Variants in DOCK5 observed in about 807,000 individuals in gnomAD.
The protein encoded by DOCK5 is dedicator of cytokinesis 5, also known as dedicator of cytokinesis protein 5.
Under a neutral mutation model 251.8 loss-of-function variants are expected in DOCK5, and 142 were observed. The observed-to-expected ratio is 0.56, with a 90% CI of 0.49 to 0.65. DOCK5 has a LOEUF of 0.65. Ranked by LOEUF, DOCK5 falls within the 30% of genes least tolerant of loss-of-function variation. The pLI, the probability that DOCK5 is intolerant of heterozygous loss-of-function variation, is 0.00. For missense variants in DOCK5, 2,111 were observed against 2,312.3 expected, an observed-to-expected ratio of 0.91 and a Z score of 1.79; for synonymous variants, 842 against 835.5, an observed-to-expected ratio of 1.01 and a Z score of -0.13.
chr8:25,364,712 T>C lies in DOCK5; in HGVS notation c.3123+8T>C, dbSNP rs972020723. On this transcript the variant is annotated splice_region_variant and intron_variant, in intron 30 of 51. Transcript: ENST00000276440. ...GCAAGCTTTGAACTTCAGGTAGGCA[T>C]GTGACTCACCTACCTGCTTCTAGAA... is the stretch of plus-strand genomic sequence containing the variant. 27 of 1,577,414 alleles carry C rather than the reference T, an allele frequency of 1.7e-5. No homozygotes were observed. Among genetic ancestry groups the C allele is most frequent in the Non-Finnish European group, 1.8e-5 (21 of 1,156,994 alleles).
intron 1 of DOCK5, among the ~76,000 whole-genome samples, chr8:25,206,143 A>T (rs1300454222): frequency 2.0e-5 from 3 of 152,134 alleles, no homozygotes; most frequent in Non-Finnish European, 4.4e-5. Flanking sequence ...AAGGCTGGGG[A>T]CCTGGCACAG....
At chr8:25,318,753 C>A (rs1364332552) in intron 14 of DOCK5, among the ~76,000 whole-genome samples, 5 of 151,990 alleles carry the variant, frequency 3.3e-5, no homozygotes, top group African/African-American at 1.2e-4. Flanking sequence ...CACCTCTTCT[C>A]GTATGAGCCG....
At chr8:25,254,791 A>AC (rs1356750101) in intron 2 of DOCK5, among the ~76,000 whole-genome samples, 1 of 135,734 alleles carries the variant, frequency 7.4e-6, no homozygotes, top group African/African-American at 3.1e-5. Flanking sequence ...AACAAAACAA[A>AC]ACAAAAAAAA....
intron 27 of DOCK5, among the ~76,000 whole-genome samples, chr8:25,352,300 G>C (rs545754624): frequency 4.9e-4 from 74 of 150,216 alleles, no homozygotes; most frequent in Non-Finnish European, 8.3e-4. Context: ...AAAAAGGAGA[G>C]AAAAGAAGAA....
intron 1 of DOCK5, among the ~76,000 whole-genome samples, chr8:25,239,339 G>GTA (rs1554521916): frequency 4.3e-5 from 4 of 93,380 alleles, no homozygotes; most frequent in African/African-American, 7.4e-5. Context: ...GTGTGTGTGT[G>GTA]TATGTGTGTG....
chr8:25,315,344 T>A (rs938591644), intron 13 of DOCK5, among the ~76,000 whole-genome samples: 1 of 151,896 alleles, frequency 6.6e-6, no homozygotes, highest in African/African-American at 2.4e-5. Context: ...GGACCTGGTA[T>A]TGTGCATTCA....
At position 25,247,032 on chromosome 8, in the gene DOCK5, A is replaced by G. The variant is rs181828797; in HGVS notation, c.127+3275A>G. Among the ~76,000 whole-genome samples, 19 of 151,972 alleles carry G rather than the reference A, an allele frequency of 1.3e-4. No individual in the cohort carries two copies. In the East Asian group the frequency reaches 3.7e-3, roughly 30 times the overall value. ...CTCCCAAGTAGCTGGGATTATAGGC[A>G]TGTGCCACCACACCCAGCTAATTTA... On this transcript the variant is annotated intron_variant, in intron 2 of 51. Coordinates refer to ENST00000276440, the MANE Select transcript of DOCK5 (RefSeq NM_024940.8).
chr8:25,190,992 G>A (rs1476965716), intron 1 of DOCK5, among the ~76,000 whole-genome samples: 1 of 151,878 alleles, frequency 6.6e-6, no homozygotes, highest in Non-Finnish European at 1.5e-5. Flanking sequence ...CACCGTGTTA[G>A]CCAGGATGGT....
At position 25,374,880 on chromosome 8, in the gene DOCK5, T is replaced by C. The variant is rs573925647; in HGVS notation, c.3816+226T>C. ...AATCCTTAGAAAGCAGAGCACGACT[T>C]ATGAACCTTTGGTAATTGACACTCT... On this transcript the variant is annotated intron_variant, in intron 37 of 51. Transcript: ENST00000276440. The C allele has an allele frequency of 3.2e-5, 44 of 1,354,214 alleles. No homozygotes were observed. In the African/African-American group the frequency reaches 6.3e-4, roughly 19 times the overall value. 83.9% of individuals were successfully genotyped at this position (1,354,214 alleles called of 1,614,324 possible). A position where few individuals can be genotyped will look rare whatever the true frequency, so the allele number is the denominator to read the frequency against.
At chr8:25,335,372 T>G (rs1438594786) in intron 21 of DOCK5, among the ~76,000 whole-genome samples, 1 of 152,106 alleles carries the variant, frequency 6.6e-6, no homozygotes, top group Non-Finnish European at 1.5e-5. Flanking sequence ...TTGCAAGACT[T>G]GATCAATTCT....
chr8:25,190,775 G>GTTTTTTCTTTTTTTTTTT (rs755511798), intron 1 of DOCK5, among the ~76,000 whole-genome samples: 1 of 53,980 alleles, frequency 1.9e-5, no homozygotes, highest in Non-Finnish European at 3.3e-5. Context: ...CTTGGTCATG[G>GTTTTTTCTTTTTTTTTTT]GTTTTTTTTT....
Position 25,229,625 on chromosome 8 carries a change from C to T in DOCK5, c.44-14049C>T, listed in dbSNP as rs141118005. 3.9e-5 allele frequency among the ~76,000 whole-genome samples: 6 copies of T among 152,054 alleles called. No individual in the cohort carries two copies. In the East Asian group the frequency reaches 5.8e-4, roughly 15 times the overall value. The stretch of plus-strand genomic sequence containing the variant: ...TCGTTTCTTTGCTTTGAATTGATTG[C>T]GACTAATTGTATCTCAAAAAGAAAA... On this transcript the variant is annotated intron_variant, in intron 1 of 51. Transcript: ENST00000276440.
intron 48 of DOCK5, among the ~76,000 whole-genome samples, chr8:25,407,764 G>T (rs1801547189): frequency 6.6e-6 from 1 of 151,632 alleles, no homozygotes; most frequent in Non-Finnish European, 1.5e-5. Context: ...GGGCATGGTG[G>T]TACACACCTG....
At chr8:25,341,508 A>T (rs1805954668) in intron 23 of DOCK5, among the ~76,000 whole-genome samples, 1 of 152,222 alleles carries the variant, frequency 6.6e-6, no homozygotes, top group South Asian at 2.1e-4. Context: ...CTCCAAGTGG[A>T]CAGAGCCTGC....
intron 16 of DOCK5, 26 bp from the exon 17 acceptor site, chr8:25,323,822 T>G (rs957605508): frequency 2.5e-6 from 4 of 1,606,982 alleles, no homozygotes; most frequent in Non-Finnish European, 3.4e-6. Context: ...TCTGCACTGC[T>G]CAGACATGTC....
chr8:25,338,384 TTTA>T (rs1473169541), intron 22 of DOCK5, among the ~76,000 whole-genome samples: 1 of 152,242 alleles, frequency 6.6e-6, no homozygotes, highest in African/African-American at 2.4e-5. Context: ...AGGGTTGTAA[TTTA>T]TTTTTTCATT....
Position 25,374,599 on chromosome 8 carries a change from G to A in DOCK5, c.3761G>A (p.Cys1254Tyr), listed in dbSNP as rs573766630. The change falls in exon 37 of 52, where the codon TGT becomes TAT. Residue 1254 changes from cysteine (C) to tyrosine (Y), a missense_variant. By Grantham distance (194) the Cys-to-Tyr change is radical. Transcript: ENST00000276440. ...LYKLRDLHRD[C>Y]ENYTEAAYTL... ...AAGCTTCGAGATTTGCACCGAGACT[G>A]TGAGAACTACACAGAAGCTGCCTAC... 8.7e-6 allele frequency: 14 copies of A among 1,612,658 alleles called. No homozygotes were observed. The Admixed American group carries it at 1.8e-4, about 21-fold the overall frequency.
intron 2 of DOCK5, among the ~76,000 whole-genome samples, chr8:25,251,690 TA>T (rs1563325094): frequency 6.6e-6 from 1 of 152,150 alleles, no homozygotes; most frequent in East Asian, 1.9e-4. Context: ...AACAGAGATA[TA>T]AAAAAGAAGA....
chr8:25,217,525 C>T (rs73558444), intron 1 of DOCK5, among the ~76,000 whole-genome samples: 4,756 of 152,242 alleles, frequency 0.031, 91 homozygotes, highest in South Asian at 0.043. Context: ...ATACCAGCAA[C>T]GCATGTGCCA....
Sources: allele counts gnomAD v4.1 joint callset (sites outside exome capture counted in the v4.1 genomes callset), GRCh38; gene constraint gnomAD v4.1.1; transcripts MANE v1.5; gene names NCBI Gene and HGNC (gene_info 2026-07-23, HGNC 2026-07-21).